DAB1: variants seen among roughly 807,000 people sequenced by gnomAD.
DAB1 encodes the protein disabled homolog 1.
A neutral mutation model predicts 64.6 loss-of-function variants in DAB1; 15 were observed. The observed-to-expected ratio is 0.23, with a 90% CI of 0.16 to 0.36. DAB1 has a LOEUF of 0.36. Ranked by LOEUF, DAB1 falls within the 10% of genes least tolerant of loss-of-function variation. DAB1 has a pLI of 1.00. For synonymous variants in DAB1, 235 were observed against 251.9 expected (o/e 0.93, Z 0.64); for missense variants, 596 against 706.7 (o/e 0.84, Z 1.78).
intron 5 of DAB1, among the ~76,000 whole-genome samples, chr1:57,987,176 A>G (rs181511400): frequency 6.6e-6 from 1 of 152,210 alleles, no homozygotes; most frequent in African/African-American, 2.4e-5. Flanking sequence ...ACCATAGAGA[A>G]CAAATCAGCC....
chr1:58,143,626 T>C (rs929086124), intron 5 of DAB1, among the ~76,000 whole-genome samples: 1 of 152,192 alleles, frequency 6.6e-6, no homozygotes, highest in African/African-American at 2.4e-5. Flanking sequence ...GCACTTATTA[T>C]TGTATGGATT....
At chr1:58,378,432 C>T (rs1293828013) in intron 3 of DAB1, among the ~76,000 whole-genome samples, 5 of 27,470 alleles carry the variant, frequency 1.8e-4, no homozygotes, top group Admixed American at 3.6e-4. Flanking sequence ...TGTTGGAATA[C>T]CCTGCCGTGT....
intron 5 of DAB1, among the ~76,000 whole-genome samples, chr1:58,082,044 AT>A (rs1650028803): frequency 6.6e-6 from 1 of 152,182 alleles, no homozygotes; most frequent in South Asian, 2.1e-4. Flanking sequence ...CCATGTGCTT[AT>A]TTTTTCAGAG....
At chr1:57,106,513 G>A (rs540003673) in intron 4 of DAB1, among the ~76,000 whole-genome samples, 19 of 152,264 alleles carry the variant, frequency 1.2e-4, no homozygotes, top group African/African-American at 4.6e-4. Context: ...GTCCCAAAGG[G>A]ATCCAGTTGA....
Position 57,268,493 on chromosome 1 carries a change from C to A in DAB1, c.67+22471G>T, listed in dbSNP as rs1401860226. 2.6e-5 allele frequency among the ~76,000 whole-genome samples: 4 copies of A among 152,186 alleles called. No homozygotes were observed. In the East Asian group the frequency reaches 7.7e-4, roughly 29 times the overall value. ...ATACTGGCAGTCTCAATTCATCCAA[C>A]CCATTCCAGTGAGATATATAATTGT... On this transcript the variant is annotated intron_variant, in intron 2 of 14. Coordinates refer to ENST00000371236, the MANE Select transcript of DAB1 (RefSeq NM_001365792.1).
chr1:57,179,430 T>C (rs1001396757), intron 2 of DAB1, among the ~76,000 whole-genome samples: 1 of 152,162 alleles, frequency 6.6e-6, no homozygotes, highest in African/African-American at 2.4e-5. Flanking sequence ...GGGACAACAA[T>C]AGGTGAGAAG....
intron 4 of DAB1, among the ~76,000 whole-genome samples, chr1:58,196,502 A>G (rs1238206542): frequency 6.6e-6 from 1 of 152,234 alleles, no homozygotes; most frequent in African/African-American, 2.4e-5. Context: ...AGACTACTAC[A>G]GTATTCCAGG....
chr1:58,089,207 T>C (rs1320789842), intron 5 of DAB1, among the ~76,000 whole-genome samples: 1 of 152,218 alleles, frequency 6.6e-6, no homozygotes, highest in African/African-American at 2.4e-5. Flanking sequence ...TTTGCCTCTC[T>C]CTTACTGTAA....
intron 3 of DAB1, among the ~76,000 whole-genome samples, chr1:58,440,875 T>C (rs895188668): frequency 2.0e-5 from 3 of 152,046 alleles, no homozygotes; most frequent in African/African-American, 7.2e-5. Context: ...GCAAAGAGCA[T>C]GGGTAACATC....
intron 5 of DAB1, among the ~76,000 whole-genome samples, chr1:57,935,776 A>G (rs757925480): frequency 1.3e-5 from 2 of 152,206 alleles, no homozygotes; most frequent in African/African-American, 2.4e-5. Flanking sequence ...AAGCTGCCCT[A>G]GATGCCCTAG....
At chr1:58,390,041 T>C (rs1644463494) in intron 3 of DAB1, among the ~76,000 whole-genome samples, 1 of 152,218 alleles carries the variant, frequency 6.6e-6, no homozygotes, top group South Asian at 2.1e-4. Flanking sequence ...CTGAGGGCCT[T>C]AGCAGGGCGA....
intron 5 of DAB1, among the ~76,000 whole-genome samples, chr1:57,996,137 T>C (rs1366602418): frequency 6.6e-6 from 1 of 152,018 alleles, no homozygotes; most frequent in East Asian, 1.9e-4. Flanking sequence ...CGGGTGCCTG[T>C]AATCTCAGCT....
intron 2 of DAB1, among the ~76,000 whole-genome samples, chr1:57,200,026 G>A (rs527976336): frequency 2.6e-5 from 4 of 152,300 alleles, no homozygotes; most frequent in South Asian, 4.1e-4. Context: ...AGAGAACTAG[G>A]TGACTGAAAC....
intron 5 of DAB1, among the ~76,000 whole-genome samples, chr1:57,922,845 C>CAAAAAAAAAAAAAAAAAAAAAAAA (rs367897659): frequency 8.9e-5 from 4 of 45,008 alleles, no homozygotes; most frequent in African/African-American, 3.4e-4. Flanking sequence ...GACTCCATCT[C>CAAAAAAAAAAAAAAAAAAAAAAAA]AAAAAAAAAA....
chr1:57,228,728 T>C (rs914392022), intron 2 of DAB1, among the ~76,000 whole-genome samples: 1 of 152,220 alleles, frequency 6.6e-6, no homozygotes, highest in African/African-American at 2.4e-5. Context: ...AATCTGTTAC[T>C]AGATATTCAC....
At chr1:58,499,058 A>T (rs1482354276) in intron 3 of DAB1, among the ~76,000 whole-genome samples, 1 of 152,166 alleles carries the variant, frequency 6.6e-6, no homozygotes, top group African/African-American at 2.4e-5. Flanking sequence ...AAATATGAAC[A>T]TGATAAAATC....
chr1:57,440,608 AG>A (rs1354879687), intron 7 of DAB1, among the ~76,000 whole-genome samples: 2 of 152,150 alleles, frequency 1.3e-5, no homozygotes, highest in Admixed American at 6.5e-5. Flanking sequence ...ATTGTGGTTT[AG>A]GGGATGTTAC....
At position 58,462,061 on chromosome 1, in the gene DAB1, G is replaced by C. The variant is rs566870106; in HGVS notation, n.257+43999C>G. The stretch of plus-strand genomic sequence containing the variant: ...TGATGTTACTTACCCAAGGACTCAG[G>C]GGGGTAATTGGCAGAGACAAGATTG... On this transcript the variant is annotated intron_variant and non_coding_transcript_variant, in intron 3 of 20. Transcript: ENST00000485760. Among the ~76,000 whole-genome samples, 23 of 151,876 alleles carry C rather than the reference G, an allele frequency of 1.5e-4. No individual in the cohort carries two copies. In the East Asian group the frequency reaches 1.9e-3, roughly 13 times the overall value.
chr1:58,446,809 T>C (rs1048519766), intron 3 of DAB1, among the ~76,000 whole-genome samples: 1 of 152,228 alleles, frequency 6.6e-6, no homozygotes, highest in African/African-American at 2.4e-5. Context: ...CCTCTCCCTG[T>C]AAACTCTAAC....
Sources: gnomAD v4.1 joint callset for allele counts (sites outside exome capture counted in the v4.1 genomes callset) on GRCh38, gnomAD v4.1.1 for gene constraint, MANE v1.5 for transcripts, NCBI Gene and HGNC (gene_info 2026-07-23, HGNC 2026-07-21) for gene names.